Variants in BTNL8 observed in about 807,000 individuals in gnomAD.
BTNL8 encodes the protein butyrophilin like 8.
In BTNL8, 22 loss-of-function variants were observed where a neutral mutation model predicts 36.1. The ratio of observed to expected loss-of-function variants is 0.61; its 90% CI spans 0.44 to 0.87. BTNL8 has a LOEUF of 0.87. BTNL8 is among the 40% of genes least tolerant of loss of function. The pLI is 0.00. For synonymous variants in BTNL8, 203 were observed against 235.6 expected (o/e 0.86, Z 1.27); for missense variants, 526 against 616.9 (o/e 0.85, Z 1.56).
chr5:180,913,089 G>A (rs1166686759), intron 3 of BTNL8, among the ~76,000 whole-genome samples: 1 of 152,150 alleles, frequency 6.6e-6, no homozygotes, highest in South Asian at 2.1e-4. Context: ...CTGTTCCTCA[G>A]GGTATCTGTC....
chr5:180,911,113 A>G (rs1053267865), intron 2 of BTNL8, among the ~76,000 whole-genome samples: 3 of 152,186 alleles, frequency 2.0e-5, no homozygotes, highest in African/African-American at 7.2e-5. Context: ...GTTTTGTCTT[A>G]CTTCATCATG....
At chr5:180,917,743 A>T (rs1276880920) in intron 3 of BTNL8, among the ~76,000 whole-genome samples, 1 of 152,150 alleles carries the variant, frequency 6.6e-6, no homozygotes, top group African/African-American at 2.4e-5. Context: ...TAACACAAAA[A>T]ATTAGCTGGG....
At chr5:180,902,257 G>A (rs1756853778) in intron 1 of BTNL8, 1 of 1,203,744 alleles carries the variant, frequency 8.3e-7, no homozygotes, top group Non-Finnish European at 1.2e-6. Context: ...GGAATCAAAG[G>A]GTCTACATTC....
At chr5:180,934,960 G>A (rs1758576547) in intron 3 of BTNL8, among the ~76,000 whole-genome samples, 1 of 151,962 alleles carries the variant, frequency 6.6e-6, no homozygotes, top group Non-Finnish European at 1.5e-5. Flanking sequence ...AGGCAGTGAG[G>A]AGCTTTATTG....
chr5:180,901,949 G>A (rs1050592120), intron 1 of BTNL8, among the ~76,000 whole-genome samples: 8 of 152,150 alleles, frequency 5.3e-5, no homozygotes, highest in African/African-American at 1.9e-4. Flanking sequence ...TTCAGAACTT[G>A]GCAGAACAAG....
intron 3 of BTNL8, among the ~76,000 whole-genome samples, chr5:180,916,449 T>C (rs1481335113): frequency 6.6e-6 from 1 of 151,572 alleles, no homozygotes; most frequent in Non-Finnish European, 1.5e-5. Context: ...TAAGCCAAAA[T>C]TTAGCAGAAG....
chr5:180,902,461 T>C lies in BTNL8; in HGVS notation c.49+3102T>C, dbSNP rs1756864698. 8.7e-6 allele frequency: 13 copies of C among 1,486,100 alleles called. No homozygotes were observed. In the South Asian group the frequency reaches 1.4e-4, roughly 17 times the overall value. The allele number at this position is 1,486,100 out of a possible 1,614,324, so 92.1% of individuals were successfully genotyped here. ...TAGGATTGTGATGAATGTTTCCCCCTGATGCACATCTCCAGCCCAGCCCAA... is the reference window on the plus strand; with the variant it reads ...TAGGATTGTGATGAATGTTTCCCCCCGATGCACATCTCCAGCCCAGCCCAA... On this transcript the variant is annotated intron_variant, in intron 1 of 7. Transcript: ENST00000340184.
chr5:180,949,405 C>G, intron 7 of BTNL8, 140 bp downstream of exon 7: 1 of 1,269,656 alleles, frequency 7.9e-7, no homozygotes, highest in Non-Finnish European at 1.1e-6. Flanking sequence ...GATGCTTGAT[C>G]GCCCCCAAGG....
chr5:180,902,543 A>G (rs1756874757), intron 1 of BTNL8: 2 of 802,242 alleles, frequency 2.5e-6, no homozygotes, highest in Non-Finnish European at 4.0e-6. Context: ...TTGCTTTTAT[A>G]CTTTAAGTTT....
intron 1 of BTNL8, chr5:180,902,494 C>G: frequency 1.6e-6 from 2 of 1,255,464 alleles, no homozygotes; most frequent in Non-Finnish European, 2.3e-6. Flanking sequence ...CAATGGAGCC[C>G]TGAGTAGGTC....
chr5:180,922,018 AT>A (rs1166863427), intron 3 of BTNL8, among the ~76,000 whole-genome samples: 2 of 151,820 alleles, frequency 1.3e-5, no homozygotes, highest in Non-Finnish European at 2.9e-5. Context: ...AGTTATTTGT[AT>A]TTTTTTGGCT....
rs568820270 is a variant in BTNL8 at position 180,949,801 on chromosome 5, A to T, written c.863-103A>T. 19 of 1,358,924 alleles carry T rather than the reference A, an allele frequency of 1.4e-5. 4 individuals carry two copies. The highest frequency in any genetic ancestry group is 1.9e-5 in the Non-Finnish European group (19 of 993,020). 84.2% of individuals were successfully genotyped at this position (1,358,924 alleles called of 1,614,324 possible). The stretch of plus-strand genomic sequence containing the variant: ...GAGGCTCAGGTCCGGGGCCTCACCT[A>T]TGCCACCCAGAGCCAGTCTGCAGTG... On this transcript the variant is annotated intron_variant, in intron 7 of 7. Transcript: ENST00000340184.
chr5:180,946,861 C>A (rs1029186214), intron 3 of BTNL8, among the ~76,000 whole-genome samples: 1 of 151,946 alleles, frequency 6.6e-6, no homozygotes, highest in Non-Finnish European at 1.5e-5. Flanking sequence ...AGAGTCACAC[C>A]GTACCCATTA....
intron 3 of BTNL8, among the ~76,000 whole-genome samples, chr5:180,943,962 G>A (rs138656597): frequency 3.9e-5 from 6 of 152,300 alleles, no homozygotes; most frequent in East Asian, 1.9e-4. Context: ...AAGACACTAC[G>A]TTAAGTTACA....
At chr5:180,925,145 G>A (rs533385629) in intron 3 of BTNL8, among the ~76,000 whole-genome samples, 4 of 152,182 alleles carry the variant, frequency 2.6e-5, no homozygotes, top group African/African-American at 9.6e-5. Flanking sequence ...AAGACCTATA[G>A]GAATTATTGG....
intron 3 of BTNL8, among the ~76,000 whole-genome samples, chr5:180,917,069 C>T (rs1217852237): frequency 7.4e-6 from 1 of 134,798 alleles, no homozygotes; most frequent in Admixed American, 7.0e-5. Context: ...GATAACCTAG[C>T]GGAAACCAAA....
intron 3 of BTNL8, among the ~76,000 whole-genome samples, chr5:180,919,672 T>C (rs1179262952): frequency 1.3e-5 from 2 of 152,204 alleles, no homozygotes; most frequent in African/African-American, 4.8e-5. Flanking sequence ...TAAAACCTGT[T>C]AGAACTTAAT....
chr5:180,924,561 G>A (rs1316969884), intron 3 of BTNL8, among the ~76,000 whole-genome samples: 2 of 152,186 alleles, frequency 1.3e-5, no homozygotes, highest in African/African-American at 4.8e-5. Flanking sequence ...CAGAGCACAG[G>A]TAGTGGCCCA....
chr5:180,938,669 C>T (rs539167747), intron 3 of BTNL8, among the ~76,000 whole-genome samples: 1 of 151,774 alleles, frequency 6.6e-6, no homozygotes, highest in Non-Finnish European at 1.5e-5. Flanking sequence ...TCTCGAGTAG[C>T]TGGGATTACA....
Sources: gnomAD v4.1 joint callset for allele counts (sites outside exome capture counted in the v4.1 genomes callset) on GRCh38, gnomAD v4.1.1 for gene constraint, MANE v1.5 for transcripts, NCBI Gene and HGNC (gene_info 2026-07-23, HGNC 2026-07-21) for gene names.